KAT6B: variants seen among roughly 807,000 people sequenced by gnomAD.
KAT6B encodes lysine acetyltransferase 6B.
KAT6B carries 10 observed loss-of-function variants against 187.5 expected under a neutral mutation model. That is an observed-to-expected ratio of 0.05 (90% CI 0.03 to 0.09). The LOEUF (loss-of-function observed/expected upper bound fraction) is 0.09. Among genes scored for constraint, KAT6B ranks in the 10% least tolerant of loss-of-function variants. The pLI is 1.00. For missense variants in KAT6B, 1,952 were observed against 2,558.9 expected, an observed-to-expected ratio of 0.76 and a Z score of 5.12; for synonymous variants, 861 against 926.8, an observed-to-expected ratio of 0.93 and a Z score of 1.29.
intron 3 of KAT6B, among the ~76,000 whole-genome samples, chr10:74,889,871 C>G (rs1318524090): frequency 6.6e-6 from 1 of 152,042 alleles, no homozygotes; most frequent in Non-Finnish European, 1.5e-5. Context: ...TGAAGATGAA[C>G]TCACAGTTTA....
At chr10:74,931,170 G>T (rs1297332128) in intron 3 of KAT6B, among the ~76,000 whole-genome samples, 2 of 152,102 alleles carry the variant, frequency 1.3e-5, no homozygotes, top group African/African-American at 4.8e-5. Flanking sequence ...TGGTGAGGCT[G>T]GTAGGGGCGG....
chr10:74,967,246 C>T (rs997881825), intron 4 of KAT6B, among the ~76,000 whole-genome samples: 2 of 151,276 alleles, frequency 1.3e-5, no homozygotes, highest in Non-Finnish European at 2.9e-5. Context: ...GGGAGAATGT[C>T]GTGAACCTGG....
chr10:74,916,975 C>T (rs1287635009), intron 3 of KAT6B, among the ~76,000 whole-genome samples: 1 of 152,086 alleles, frequency 6.6e-6, no homozygotes, highest in Non-Finnish European at 1.5e-5. Flanking sequence ...TGTGGTGGTG[C>T]ACACCTGCAG....
intron 3 of KAT6B, among the ~76,000 whole-genome samples, chr10:74,863,972 C>T (rs1022032085): frequency 1.3e-5 from 2 of 152,182 alleles, no homozygotes; most frequent in African/African-American, 4.8e-5. Context: ...CCCCTCTTAT[C>T]TCAATATACA....
In KAT6B at chr10:74,978,633, C is replaced by T. The variant is rs118009198; in HGVS notation, c.2116-591C>T. Among the ~76,000 whole-genome samples, 405 of 152,226 alleles carry T rather than the reference C, an allele frequency of 2.7e-3. 1 individual carries two copies. Among genetic ancestry groups the T allele is most frequent in the Non-Finnish European group, 4.6e-3 (315 of 68,018 alleles). On this transcript the variant is annotated intron_variant, in intron 9 of 17. Coordinates refer to ENST00000287239, the MANE Select transcript of KAT6B (RefSeq NM_012330.4). ...TTCTTGTTCTGTGTCAGGCACTGTA[C>T]CAGACACCAGGGATACCACAGTGAA... is the stretch of plus-strand genomic sequence containing the variant.
chr10:74,976,721 CAG>C (rs147447511), intron 8 of KAT6B: 20,046 of 322,830 alleles, frequency 0.062, 1,510 homozygotes, highest in African/African-American at 0.24. Flanking sequence ...GTGCTTCCAA[CAG>C]GGGGTGTTTC....
intron 3 of KAT6B, among the ~76,000 whole-genome samples, chr10:74,933,297 C>T (rs550000078): frequency 6.6e-6 from 1 of 152,238 alleles, no homozygotes; most frequent in East Asian, 1.9e-4. Context: ...TAGAGACTAC[C>T]AGTTTTGGTG....
At chr10:74,898,528 A>G (rs1306248890) in intron 3 of KAT6B, among the ~76,000 whole-genome samples, 3 of 151,934 alleles carry the variant, frequency 2.0e-5, no homozygotes. Context: ...ATTGCTCACC[A>G]TAGCCTCAAA....
At position 74,827,118 on chromosome 10, in the gene KAT6B, G is replaced by C. The variant is rs566287301; in HGVS notation, c.-329+333G>C. The C allele has an allele frequency of 1.7e-3, 258 of 152,476 alleles. 3 individuals are homozygous for C. The South Asian group carries it at 0.025, about 15-fold the overall frequency. The allele number at this position is 152,476 out of a possible 1,614,324, so 9.4% of individuals were successfully genotyped here. Reference sequence around the variant, plus strand: ...ATTTCTGAGTGGGAGTGAACTGGTAGGAGCGGTGGGGGGCCGGCGAGGGTG... The same window carrying C: ...ATTTCTGAGTGGGAGTGAACTGGTACGAGCGGTGGGGGGCCGGCGAGGGTG... On this transcript the variant is annotated intron_variant, in intron 1 of 17. Coordinates refer to ENST00000287239, the MANE Select transcript of KAT6B (RefSeq NM_012330.4).
chr10:74,936,079 T>C (rs1435190426), intron 3 of KAT6B, among the ~76,000 whole-genome samples: 1 of 152,124 alleles, frequency 6.6e-6, no homozygotes, highest in African/African-American at 2.4e-5. Flanking sequence ...GCTTTTGTTT[T>C]CCAAGTTTTG....
chr10:74,977,938 C>CT (rs1234846798), intron 9 of KAT6B, among the ~76,000 whole-genome samples: 26 of 152,192 alleles, frequency 1.7e-4, no homozygotes, highest in African/African-American at 6.3e-4. Context: ...CCAGTAATTT[C>CT]TTTAAGTGAT....
At chr10:74,978,517 T>C (rs1842305185) in intron 9 of KAT6B, among the ~76,000 whole-genome samples, 1 of 152,212 alleles carries the variant, frequency 6.6e-6, no homozygotes, top group South Asian at 2.1e-4. Flanking sequence ...TATGTAAACA[T>C]GAACAGTAGG....
chr10:74,966,629 A>C (rs962613062), intron 4 of KAT6B, among the ~76,000 whole-genome samples: 1 of 152,280 alleles, frequency 6.6e-6, no homozygotes. Context: ...GTGAATGAAT[A>C]TGTATTATGG....
intron 3 of KAT6B, among the ~76,000 whole-genome samples, chr10:74,918,783 A>C (rs1028560247): frequency 2.6e-5 from 4 of 152,190 alleles, no homozygotes; most frequent in African/African-American, 9.7e-5. Flanking sequence ...GTTTGCTGGC[A>C]TGAGTAATTT....
chr10:74,840,140 A>T (rs542647016), intron 2 of KAT6B, among the ~76,000 whole-genome samples: 1 of 152,334 alleles, frequency 6.6e-6, no homozygotes, highest in East Asian at 1.9e-4. Flanking sequence ...CTGCATGCTC[A>T]CCATGACCAC....
chr10:74,826,875 C>T (rs1312406678), intron 1 of KAT6B, 90 bp downstream of exon 1: 1 of 151,578 alleles, frequency 6.6e-6, no homozygotes, highest in Non-Finnish European at 1.5e-5. Context: ...TTGCGACGCC[C>T]CTCCCACAGG....
At chr10:74,910,469 G>A (rs950501792) in intron 3 of KAT6B, among the ~76,000 whole-genome samples, 2 of 152,122 alleles carry the variant, frequency 1.3e-5, no homozygotes, top group African/African-American at 4.8e-5. Context: ...TTAGTGCTTA[G>A]GGACTCTGTC....
chr10:75,005,829 G>A (rs1209833748), intron 13 of KAT6B, among the ~76,000 whole-genome samples: 3 of 152,030 alleles, frequency 2.0e-5, no homozygotes, highest in Non-Finnish European at 4.4e-5. Context: ...CATCATAGAG[G>A]AACGCTTTTT....
At chr10:74,863,412 A>G (rs1843330391) in intron 3 of KAT6B, among the ~76,000 whole-genome samples, 1 of 152,250 alleles carries the variant, frequency 6.6e-6, no homozygotes, top group South Asian at 2.1e-4. Context: ...TATTACAAAT[A>G]ATACCGCTAC....
Sources: gnomAD v4.1 joint callset for allele counts (sites outside exome capture counted in the v4.1 genomes callset) on GRCh38, gnomAD v4.1.1 for gene constraint, MANE v1.5 for transcripts, NCBI Gene and HGNC (gene_info 2026-07-23, HGNC 2026-07-21) for gene names.